SLC7A1: variants seen among roughly 807,000 people sequenced by gnomAD.
The protein encoded by SLC7A1 is solute carrier family 7 member 1.
A neutral mutation model predicts 53.9 loss-of-function variants in SLC7A1; 10 were observed. The ratio of observed to expected loss-of-function variants is 0.19; its 90% CI spans 0.11 to 0.31. SLC7A1 has a LOEUF of 0.31. SLC7A1 is among the 10% of genes least tolerant of loss of function. The pLI is 1.00. For missense variants in SLC7A1, 525 were observed against 827.2 expected (o/e 0.63, Z 4.48); for synonymous variants, 342 against 338.7 (o/e 1.01, Z -0.11).
intron 1 of SLC7A1, among the ~76,000 whole-genome samples, chr13:29,584,401 C>A (rs1403426463): frequency 1.3e-5 from 2 of 152,140 alleles, no homozygotes; most frequent in African/African-American, 2.4e-5. Flanking sequence ...CCTGCCTCGG[C>A]CTCCCAAAGT....
intron 7 of SLC7A1, 28 bp downstream of exon 7, chr13:29,523,238 G>A (rs1868713961): frequency 3.1e-6 from 5 of 1,591,412 alleles, no homozygotes; most frequent in African/African-American, 1.3e-5. Flanking sequence ...CCACCCCTAG[G>A]AGCAGCCACC....
In SLC7A1 at chr13:29,527,492, A is replaced by C. The variant is rs138970340; in HGVS notation, c.704+3046T>G. On this transcript the variant is annotated intron_variant, in intron 5 of 12. Transcript: ENST00000380752. Reference sequence around the variant, plus strand: ...ATTTACTAAGGGTCTCTTTCTATGTAATCAATAATTAACCTTTTACATGCG... The same window carrying C: ...ATTTACTAAGGGTCTCTTTCTATGTCATCAATAATTAACCTTTTACATGCG... 7.7e-4 allele frequency among the ~76,000 whole-genome samples: 117 copies of C among 152,322 alleles called. No individual in the cohort carries two copies. In the East Asian group the frequency reaches 0.02, roughly 26 times the overall value.
intron 1 of SLC7A1, among the ~76,000 whole-genome samples, chr13:29,581,427 C>T (rs1253737498): frequency 1.3e-5 from 2 of 152,058 alleles, no homozygotes; most frequent in Admixed American, 6.5e-5. Context: ...AGGTCAGACA[C>T]AGCCAAGGTT....
Position 29,514,395 on chromosome 13 carries a change from C to A in SLC7A1, c.*85G>T. On this transcript the variant is annotated 3_prime_UTR_variant, in exon 13 of 13. Coordinates refer to ENST00000380752, the MANE Select transcript of SLC7A1 (RefSeq NM_003045.5). ...GTGTGGACGCAGGTGGTTTCTGTTGCACTGGTGGGGAGGGTGGGGTGCCTC... is the reference window on the plus strand; with the variant it reads ...GTGTGGACGCAGGTGGTTTCTGTTGAACTGGTGGGGAGGGTGGGGTGCCTC... The A allele has an allele frequency of 1.1e-6, 1 of 935,650 alleles. No homozygotes were observed. Among genetic ancestry groups the A allele is most frequent in the Non-Finnish European group, 1.7e-6 (1 of 593,776 alleles). The allele number at this position is 935,650 out of a possible 1,614,324, so 58.0% of individuals were successfully genotyped here. A position where few individuals can be genotyped will look rare whatever the true frequency, so the allele number is the denominator to read the frequency against.
intron 4 of SLC7A1, among the ~76,000 whole-genome samples, chr13:29,530,916 G>A (rs369043002): frequency 6.6e-6 from 1 of 152,096 alleles, no homozygotes. Context: ...AAGGTTGTGG[G>A]TGCTTCCCAG....
At chr13:29,518,955 GTC>G (rs1230967413) in intron 9 of SLC7A1, among the ~76,000 whole-genome samples, 2 of 152,052 alleles carry the variant, frequency 1.3e-5, no homozygotes, top group African/African-American at 2.4e-5. Context: ...ACTCCACAGT[GTC>G]TCTGAACATC....
At chr13:29,522,649 A>G (rs1047218823) in intron 7 of SLC7A1, among the ~76,000 whole-genome samples, 193 bp from the exon 8 acceptor site, 2 of 152,216 alleles carry the variant, frequency 1.3e-5, no homozygotes, top group African/African-American at 4.8e-5. Flanking sequence ...AAGAGCACAC[A>G]CTGTGAATAA....
intron 1 of SLC7A1, among the ~76,000 whole-genome samples, chr13:29,562,798 G>A (rs879892677): frequency 2.6e-5 from 4 of 152,164 alleles, no homozygotes; most frequent in Admixed American, 6.5e-5. Context: ...TATAATATTT[G>A]TGGTTCTATA....
At chr13:29,538,956 T>C (rs544694638) in intron 2 of SLC7A1, among the ~76,000 whole-genome samples, 1 of 152,168 alleles carries the variant, frequency 6.6e-6, no homozygotes, top group Admixed American at 6.5e-5. Flanking sequence ...AGTGCCTGCC[T>C]GCTCCCAACC....
chr13:29,583,632 A>G (rs1871748961), intron 1 of SLC7A1, among the ~76,000 whole-genome samples: 1 of 152,206 alleles, frequency 6.6e-6, no homozygotes. Context: ...TCCCCTGGCC[A>G]CTGCCCTACT....
intron 1 of SLC7A1, among the ~76,000 whole-genome samples, chr13:29,594,417 A>C (rs1363053681): frequency 6.6e-6 from 1 of 152,194 alleles, no homozygotes. Flanking sequence ...CTGAAGGCAC[A>C]TGTCTGACTA....
At chr13:29,576,292 T>TAAAA (rs146432104) in intron 1 of SLC7A1, among the ~76,000 whole-genome samples, 3,514 of 107,202 alleles carry the variant, frequency 0.033, 157 homozygotes, top group Middle Eastern at 0.038. Context: ...ATCCTGTTTT[T>TAAAA]TAAAAAAAAA....
chr13:29,525,154 G>GC (rs981101804), intron 5 of SLC7A1, among the ~76,000 whole-genome samples: 28 of 152,216 alleles, frequency 1.8e-4, no homozygotes, highest in Admixed American at 7.9e-4. Context: ...GAGGCACATA[G>GC]CCCCTGCTGG....
rs559426636 is a variant in SLC7A1 at position 29,568,597 on chromosome 13, G to A, written c.-114-14737C>T. Among the ~76,000 whole-genome samples the A allele has an allele frequency of 4.6e-5, 7 of 152,330 alleles. No homozygotes were observed. In the South Asian group the frequency reaches 1.5e-3, roughly 32 times the overall value. ...ACACAGCAGTGCACAAAGCACACAGGGGAGTGACGATCTAGTCCAGGAGCT... is the reference window on the plus strand; with the variant it reads ...ACACAGCAGTGCACAAAGCACACAGAGGAGTGACGATCTAGTCCAGGAGCT... On this transcript the variant is annotated intron_variant, in intron 1 of 12. Transcript: ENST00000380752.
chr13:29,524,159 C>A lies in SLC7A1; in HGVS notation c.799G>T (p.Val267Leu). The change falls in exon 6 of 13, where the codon GTG (valine) becomes TTG (leucine). Residue 267 changes from valine (V) to leucine (L), a missense_variant. Val to Leu is a conservative substitution (Grantham distance 32). Coordinates refer to ENST00000380752, the MANE Select transcript of SLC7A1 (RefSeq NM_003045.5). ...SGAATCFYAF[V>L]GFDCIATTGE... ...GTGGTGGCGATGCAGTCAAAGCCCA[C>A]GAAGGCATAGAAGCAAGTCGCTGCC... 2.5e-6 allele frequency: 4 copies of A among 1,613,854 alleles called. No individual in the cohort carries two copies. Among genetic ancestry groups the A allele is most frequent in the Non-Finnish European group, 3.4e-6 (4 of 1,179,956 alleles).
chr13:29,523,943 G>T (rs1198260684), intron 6 of SLC7A1, among the ~76,000 whole-genome samples, 189 bp downstream of exon 6: 1 of 152,198 alleles, frequency 6.6e-6, no homozygotes, highest in African/African-American at 2.4e-5. Context: ...CTTTCATCAG[G>T]TGTTGACAGT....
At chr13:29,550,968 G>T (rs1870153634) in intron 2 of SLC7A1, among the ~76,000 whole-genome samples, 1 of 152,202 alleles carries the variant, frequency 6.6e-6, no homozygotes, top group Non-Finnish European at 1.5e-5. Flanking sequence ...TTCAATGGTG[G>T]GGATAACCAC....
rs558136473 is a variant in SLC7A1 at position 29,571,989 on chromosome 13, C to A, written c.-114-18129G>T. Among the ~76,000 whole-genome samples the A allele has an allele frequency of 1.6e-4, 24 of 152,176 alleles. 1 individual carries two copies. Among genetic ancestry groups the A allele is most frequent in the African/African-American group, 5.6e-4 (23 of 41,436 alleles). ...ATCCACTCTTCTTTGTTGACCTTTG[C>A]GTGTACAGTGTTGCTTCAAAAACCT... On this transcript the variant is annotated intron_variant, in intron 1 of 12. Coordinates refer to ENST00000380752, the MANE Select transcript of SLC7A1 (RefSeq NM_003045.5).
intron 1 of SLC7A1, among the ~76,000 whole-genome samples, chr13:29,567,120 T>C (rs370106177): frequency 2.6e-5 from 4 of 152,262 alleles, no homozygotes; most frequent in East Asian, 3.8e-4. Context: ...CCTCATCTTC[T>C]GGTGTTCTGT....
Sources: gnomAD v4.1 joint callset for allele counts (sites outside exome capture counted in the v4.1 genomes callset) on GRCh38, gnomAD v4.1.1 for gene constraint, MANE v1.5 for transcripts, NCBI Gene and HGNC (gene_info 2026-07-23, HGNC 2026-07-21) for gene names.